Variants in ZMYND8 observed in about 807,000 individuals in gnomAD.
The protein encoded by ZMYND8 is zinc finger MYND-type containing 8.
In ZMYND8, 37 loss-of-function variants were observed where a neutral mutation model predicts 140.8. The observed-to-expected ratio is 0.26, with a 90% CI of 0.20 to 0.35. The LOEUF (loss-of-function observed/expected upper bound fraction) is 0.35, where lower values mean the gene tolerates loss of function less well. Among genes scored for constraint, ZMYND8 ranks in the 10% least tolerant of loss-of-function variants. ZMYND8 has a pLI of 1.00. For synonymous variants in ZMYND8, 592 were observed against 597.1 expected (o/e 0.99, Z 0.12); for missense variants, 1,068 against 1,570.0 (o/e 0.68, Z 5.40).
chr20:47,238,943 G>A lies in ZMYND8; in HGVS notation c.2480C>T (p.Pro827Leu). 1 of 1,613,798 alleles carries A rather than the reference G, an allele frequency of 6.2e-7. No homozygotes were observed. Among genetic ancestry groups the A allele is most frequent in the Non-Finnish European group, 8.5e-7 (1 of 1,179,700 alleles). Residue 827 changes from proline to leucine, a missense_variant, in exon 15 of 23, where the codon CCG (proline) becomes CTG (leucine). Coordinates refer to ENST00000471951, the MANE Select transcript of ZMYND8 (RefSeq NM_001281775.3). ...SPVKKQRPLL[P>L]KETAPAVQRV... The stretch of plus-strand genomic sequence containing the variant: ...CTGCACGGCCGGGGCAGTCTCCTTC[G>A]GTAAAAGCGGCCTCTGCTTTTTCAC...
Position 47,264,080 on chromosome 20 carries a change from G to C in ZMYND8, c.1481-1652C>G, listed in dbSNP as rs538196663. On this transcript the variant is annotated intron_variant, in intron 11 of 22. Coordinates refer to ENST00000471951, the MANE Select transcript of ZMYND8 (RefSeq NM_001281775.3). ...CCATGCACAGAGCGGCCCCCCACAA[G>C]AAAGAGTTATCTGGCCCCAAACGTC... 2.0e-5 allele frequency among the ~76,000 whole-genome samples: 3 copies of C among 152,222 alleles called. No homozygotes were observed. The South Asian group carries it at 6.2e-4, about 32-fold the overall frequency.
chr20:47,313,229 A>G (rs1332891366), intron 2 of ZMYND8, among the ~76,000 whole-genome samples: 1 of 151,756 alleles, frequency 6.6e-6, no homozygotes, highest in Non-Finnish European at 1.5e-5. Flanking sequence ...CTCTGAAAAA[A>G]AAAAAAAAAA....
intron 2 of ZMYND8, among the ~76,000 whole-genome samples, chr20:47,331,932 G>A (rs889655203): frequency 6.6e-6 from 1 of 152,182 alleles, no homozygotes; most frequent in Non-Finnish European, 1.5e-5. Context: ...TGCTGGACGC[G>A]GTGGCTCACG....
chr20:47,351,937 AAAAAAACTCTGCAATG>A, intron 1 of ZMYND8: 2 of 985,452 alleles, frequency 2.0e-6, no homozygotes, highest in Non-Finnish European at 2.4e-6. Context: ...TAGAAGCTTA[AAAAAAACTCTGCAATG>A]ACAGGGAGAG....
rs542100013 is a variant in ZMYND8 at position 47,284,015 on chromosome 20, T to C, written c.805-367A>G. Among the ~76,000 whole-genome samples the C allele has an allele frequency of 1.4e-4, 22 of 152,248 alleles. No individual in the cohort carries two copies. In the South Asian group the frequency reaches 4.6e-3, roughly 32 times the overall value. The stretch of plus-strand genomic sequence containing the variant: ...TGGGCTCATTGCAACTTTCGCTTCC[T>C]GCGTTCAAGCAATTCTCGTGCCTCA... On this transcript the variant is annotated intron_variant, in intron 8 of 22. Coordinates refer to ENST00000471951, the MANE Select transcript of ZMYND8 (RefSeq NM_001281775.3).
chr20:47,223,808 A>C (rs1163920988), intron 19 of ZMYND8, among the ~76,000 whole-genome samples: 1 of 151,654 alleles, frequency 6.6e-6, no homozygotes, highest in East Asian at 1.9e-4. Flanking sequence ...CCTGGGCAAC[A>C]AGAGCGAAAC....
chr20:47,227,207 G>A lies in ZMYND8; in HGVS notation c.3012C>T (p.Asn1004=). 3 of 1,614,190 alleles carry A rather than the reference G, an allele frequency of 1.9e-6. No individual in the cohort carries two copies. The highest frequency in any genetic ancestry group is 1.7e-4 in the Middle Eastern group (1 of 6,058). ...HQQELSEMKH[N]LELTMAEMRQ... ...GACCAGTGTGTCAGGCCTTACCTAAGTTGTGTTTCATTTCGGAGAGCTCTT... is the reference window on the plus strand; with the variant it reads ...GACCAGTGTGTCAGGCCTTACCTAAATTGTGTTTCATTTCGGAGAGCTCTT... The change falls in exon 18 of 23, where the codon AAC becomes AAT. Residue 1004 remains asparagine (N), a synonymous_variant. Coordinates refer to ENST00000471951, the MANE Select transcript of ZMYND8 (RefSeq NM_001281775.3).
chr20:47,234,346 G>C (rs2038939224), intron 16 of ZMYND8, among the ~76,000 whole-genome samples: 1 of 152,262 alleles, frequency 6.6e-6, no homozygotes, highest in Non-Finnish European at 1.5e-5. Flanking sequence ...ACCATGCCCA[G>C]CCTCCATTGC....
chr20:47,276,300 C>T lies in ZMYND8; in HGVS notation c.1480+14G>A, dbSNP rs765884283. 10 of 1,518,382 alleles carry T rather than the reference C, an allele frequency of 6.6e-6. No individual in the cohort carries two copies. Among genetic ancestry groups the T allele is most frequent in the Non-Finnish European group, 7.1e-6 (8 of 1,134,160 alleles). 94.1% of individuals were successfully genotyped at this position (1,518,382 alleles called of 1,614,324 possible). On this transcript the variant is annotated intron_variant, in intron 11 of 22. Transcript: ENST00000471951. Reference sequence around the variant, plus strand: ...CCAAGGGGCCTCCTCCCCGCTCCCCCGCACGGAGCTGACCTGTGCTCTTAT... The same window carrying T: ...CCAAGGGGCCTCCTCCCCGCTCCCCTGCACGGAGCTGACCTGTGCTCTTAT...
intron 19 of ZMYND8, among the ~76,000 whole-genome samples, chr20:47,223,997 T>C (rs931178188): frequency 6.6e-6 from 1 of 152,070 alleles, no homozygotes. Flanking sequence ...AAATTGGGAA[T>C]CCATATTATC....
chr20:47,317,770 G>A (rs1246440071), intron 2 of ZMYND8, among the ~76,000 whole-genome samples: 1 of 152,116 alleles, frequency 6.6e-6, no homozygotes, highest in Non-Finnish European at 1.5e-5. Context: ...CACAGTGGTG[G>A]GGAATCAGCT....
At chr20:47,318,845 T>C (rs2079643986) in intron 2 of ZMYND8, 1 of 833,910 alleles carries the variant, frequency 1.2e-6, no homozygotes, top group Non-Finnish European at 1.7e-6. Context: ...GGCTGTGGAA[T>C]GAAAGGTCAC....
At chr20:47,216,661 G>A (rs1474956012) in intron 21 of ZMYND8, among the ~76,000 whole-genome samples, 1 of 151,762 alleles carries the variant, frequency 6.6e-6, no homozygotes, top group African/African-American at 2.4e-5. Context: ...TACAAAATTA[G>A]CTGGGTGTGG....
rs1036295388 is a variant in ZMYND8 at position 47,209,831 on chromosome 20, A to G, written c.*930T>C. The G allele has an allele frequency of 6.6e-6, 1 of 152,644 alleles. No homozygotes were observed. The highest frequency in any genetic ancestry group is 1.5e-5 in the Non-Finnish European group (1 of 68,046). 9.5% of individuals were successfully genotyped at this position (152,644 alleles called of 1,614,324 possible). ...ATTCCATCATATAAATAATACGTAC[A>G]TGCTTCATCCCAGACTCAAACGTCC... On this transcript the variant is annotated 3_prime_UTR_variant, in exon 23 of 23. Transcript: ENST00000471951.
At chr20:47,347,724 T>G in intron 2 of ZMYND8, 132 bp downstream of exon 2, 1 of 887,992 alleles carries the variant, frequency 1.1e-6, no homozygotes, top group Non-Finnish European at 1.7e-6. Flanking sequence ...TCAAAAAATC[T>G]TATATCTGAA....
intron 16 of ZMYND8, among the ~76,000 whole-genome samples, chr20:47,235,199 G>C (rs1373137749): frequency 1.3e-5 from 2 of 152,262 alleles, no homozygotes; most frequent in East Asian, 3.9e-4. Context: ...GCCCAACTAT[G>C]GGTCAAGCAC....
intron 16 of ZMYND8, among the ~76,000 whole-genome samples, chr20:47,233,786 CTGAG>C (rs1319200527): frequency 2.6e-5 from 4 of 152,202 alleles, no homozygotes; most frequent in African/African-American, 9.7e-5. Context: ...GTCAAGAAGA[CTGAG>C]TAAGTAACAT....
intron 12 of ZMYND8, among the ~76,000 whole-genome samples, chr20:47,257,122 A>G (rs2147474709): frequency 6.6e-6 from 1 of 152,242 alleles, no homozygotes; most frequent in East Asian, 1.9e-4. Context: ...GTAATAATCC[A>G]CTGGGCTCAG....
At chr20:47,288,453 C>T (rs1035210407) in intron 7 of ZMYND8, among the ~76,000 whole-genome samples, 12 of 134,078 alleles carry the variant, frequency 9.0e-5, no homozygotes, top group African/African-American at 2.0e-4. Context: ...AGTGCAGGGG[C>T]GCAGATCTCA....
Sources: allele counts gnomAD v4.1 joint callset (sites outside exome capture counted in the v4.1 genomes callset), GRCh38; gene constraint gnomAD v4.1.1; transcripts MANE v1.5; gene names NCBI Gene and HGNC (gene_info 2026-07-23, HGNC 2026-07-21).